IL1RAPL1: variants seen among roughly 807,000 people sequenced by gnomAD.
IL1RAPL1 encodes the protein interleukin-1 receptor accessory protein-like 1.
In IL1RAPL1, 3 loss-of-function variants were observed where a neutral mutation model predicts 48.4. The observed-to-expected ratio is 0.06, with a 90% confidence interval of 0.03 to 0.16. The LOEUF (loss-of-function observed/expected upper bound fraction) is 0.16. Ranked by LOEUF, IL1RAPL1 falls within the 10% of genes least tolerant of loss-of-function variation. IL1RAPL1 has a pLI of 1.00. For synonymous variants in IL1RAPL1, 185 were observed against 187.7 expected, an observed-to-expected ratio of 0.99 and a Z score of 0.12; for missense variants, 349 against 530.6, an observed-to-expected ratio of 0.66 and a Z score of 3.36.
chrX:28,907,098 G>A (rs1341973698), intron 2 of IL1RAPL1, among the ~76,000 whole-genome samples: 2 of 110,623 alleles, frequency 1.8e-5, no homozygotes, highest in African/African-American at 6.6e-5. Flanking sequence ...GTCTTGTTGG[G>A]GAAGTCCACT....
At chrX:29,891,937 G>T (rs1291190080) in intron 6 of IL1RAPL1, among the ~76,000 whole-genome samples, 2 of 111,907 alleles carry the variant, frequency 1.8e-5, no homozygotes, top group South Asian at 7.4e-4. Flanking sequence ...TACTCTCACA[G>T]ATTTAAAACC....
intron 1 of IL1RAPL1, among the ~76,000 whole-genome samples, chrX:28,612,047 A>G (rs1000915058): frequency 2.7e-5 from 3 of 112,176 alleles, no homozygotes; most frequent in Admixed American, 9.5e-5. Context: ...GAATTGCACC[A>G]GAAACCATAT....
At position 28,975,220 on chromosome X, in the gene IL1RAPL1, T is replaced by C. The variant is rs985159264; in HGVS notation, c.82+185795T>C. On this transcript the variant is annotated intron_variant, in intron 2 of 10. Coordinates refer to ENST00000378993, the MANE Select transcript of IL1RAPL1 (RefSeq NM_014271.4). Reference sequence around the variant, plus strand: ...GAATACTTGTTTCATACTTCTGTCTTATTATATTCCCTCTATCAGTGTACT... The same window carrying C: ...GAATACTTGTTTCATACTTCTGTCTCATTATATTCCCTCTATCAGTGTACT... 2.7e-5 allele frequency among the ~76,000 whole-genome samples: 3 copies of C among 112,111 alleles called. No individual in the cohort carries two copies. In the East Asian group the frequency reaches 8.5e-4, roughly 32 times the overall value.
intron 1 of IL1RAPL1, among the ~76,000 whole-genome samples, chrX:28,647,989 A>G (rs1026990242): frequency 1.8e-5 from 2 of 111,673 alleles, no homozygotes; most frequent in African/African-American, 3.3e-5. Context: ...ATTTAAACTC[A>G]AATTAGAAGA....
intron 6 of IL1RAPL1, among the ~76,000 whole-genome samples, chrX:29,831,636 C>T (rs1930879583): frequency 9.0e-6 from 1 of 111,330 alleles, no homozygotes. Flanking sequence ...AAACTATAGC[C>T]CAGATATGTT....
chrX:29,811,667 T>G (rs1285256758), intron 6 of IL1RAPL1, among the ~76,000 whole-genome samples: 1 of 111,269 alleles, frequency 9.0e-6, no homozygotes, highest in Non-Finnish European at 1.9e-5. Context: ...ACAAGAAAAC[T>G]TTTGGAGGTG....
At chrX:29,027,017 T>C (rs1473620183) in intron 2 of IL1RAPL1, among the ~76,000 whole-genome samples, 2 of 112,115 alleles carry the variant, frequency 1.8e-5, no homozygotes, top group Non-Finnish European at 3.8e-5. Context: ...GTTGTTGAAA[T>C]TGATGAACCT....
intron 8 of IL1RAPL1, among the ~76,000 whole-genome samples, chrX:29,933,345 A>G (rs1186400445): frequency 9.0e-6 from 1 of 111,710 alleles, no homozygotes; most frequent in Non-Finnish European, 1.9e-5. Context: ...AAATGGAACA[A>G]TAATTTTTAA....
intron 2 of IL1RAPL1, among the ~76,000 whole-genome samples, chrX:28,791,978 C>T (rs1264086626): frequency 9.0e-6 from 1 of 111,679 alleles, no homozygotes; most frequent in Non-Finnish European, 1.9e-5. Context: ...ATAGCTCAAT[C>T]TTCATACCCA....
intron 2 of IL1RAPL1, among the ~76,000 whole-genome samples, chrX:28,907,811 A>G (rs1436743232): frequency 8.9e-6 from 1 of 112,260 alleles, no homozygotes; most frequent in Non-Finnish European, 1.9e-5. Flanking sequence ...ATATTGGAAG[A>G]TTAATATTTC....
intron 3 of IL1RAPL1, among the ~76,000 whole-genome samples, chrX:29,358,225 G>T (rs1933330142): frequency 9.0e-6 from 1 of 111,209 alleles, no homozygotes; most frequent in Non-Finnish European, 1.9e-5. Flanking sequence ...AAGAGAATTT[G>T]CCTCTGAGGC....
chrX:29,608,299 G>T (rs1923960690), intron 5 of IL1RAPL1, among the ~76,000 whole-genome samples: 1 of 110,866 alleles, frequency 9.0e-6, no homozygotes, highest in Non-Finnish European at 1.9e-5. Context: ...ACAGATCAGG[G>T]AAGCCCATTG....
At chrX:28,730,154 GC>G (rs1244477457) in intron 1 of IL1RAPL1, among the ~76,000 whole-genome samples, 8 of 111,247 alleles carry the variant, frequency 7.2e-5, no homozygotes, top group African/African-American at 2.3e-4. Context: ...AGTTTGTATT[GC>G]TCTCTCATCT....
At chrX:29,606,899 A>G (rs183173216) in intron 5 of IL1RAPL1, among the ~76,000 whole-genome samples, 38 of 111,898 alleles carry the variant, frequency 3.4e-4, no homozygotes, top group African/African-American at 1.2e-3. Flanking sequence ...AGAAAGTTAA[A>G]CAGTGAAGCA....
At chrX:29,713,267 T>A (rs2147121874) in intron 6 of IL1RAPL1, among the ~76,000 whole-genome samples, 1 of 112,037 alleles carries the variant, frequency 8.9e-6, no homozygotes, top group East Asian at 2.8e-4. Context: ...TAATAATTAA[T>A]ACATTGCATA....
At chrX:29,118,553 A>G (rs1408031951) in intron 2 of IL1RAPL1, among the ~76,000 whole-genome samples, 2 of 111,855 alleles carry the variant, frequency 1.8e-5, no homozygotes, top group Non-Finnish European at 3.8e-5. Flanking sequence ...ATCTCTAGCC[A>G]TTTATTTTCC....
At chrX:29,116,732 G>C (rs1277249702) in intron 2 of IL1RAPL1, among the ~76,000 whole-genome samples, 1 of 111,300 alleles carries the variant, frequency 9.0e-6, no homozygotes, top group Admixed American at 9.6e-5. Context: ...AAGCATATAT[G>C]GGTCATTAGT....
At chrX:28,601,959 G>A (rs893654995) in intron 1 of IL1RAPL1, among the ~76,000 whole-genome samples, 3 of 109,844 alleles carry the variant, frequency 2.7e-5, no homozygotes, top group African/African-American at 9.9e-5. Context: ...ATAAAAATTA[G>A]CCAGACGTGG....
rs771876764 is a variant in IL1RAPL1 at position 29,077,290 on chromosome X, C to T, written c.83-205648C>T. ...CATTTTGAAAGCTGTTGGAAATAGT[C>T]CTGTGAGAAATAATAAGAAAACCTA... On this transcript the variant is annotated intron_variant, in intron 2 of 10. Transcript: ENST00000378993. Among the ~76,000 whole-genome samples, 7 of 111,193 alleles carry T rather than the reference C, an allele frequency of 6.3e-5. No homozygotes were observed. The East Asian group carries it at 2.0e-3, about 31-fold the overall frequency.
Sources: gnomAD v4.1 joint callset for allele counts (sites outside exome capture counted in the v4.1 genomes callset) on GRCh38, gnomAD v4.1.1 for gene constraint, MANE v1.5 for transcripts, NCBI Gene and HGNC (gene_info 2026-07-23, HGNC 2026-07-21) for gene names.